ZNF280D: variants seen among roughly 807,000 people sequenced by gnomAD.
The protein encoded by ZNF280D is suppressor of hairy wing homolog 4.
ZNF280D carries 39 observed loss-of-function variants against 94.7 expected under a neutral mutation model. That is an observed-to-expected ratio of 0.41 (90% CI 0.32 to 0.54). The LOEUF (loss-of-function observed/expected upper bound fraction) is 0.54. Ranked by LOEUF, ZNF280D falls within the 20% of genes least tolerant of loss-of-function variation. ZNF280D has a pLI of 0.22. For synonymous variants in ZNF280D, 398 were observed against 377.6 expected, an observed-to-expected ratio of 1.05 and a Z score of -0.63; for missense variants, 1,090 against 1,149.3, an observed-to-expected ratio of 0.95 and a Z score of 0.75.
chr15:56,656,716 T>A (rs2053573695), intron 17 of ZNF280D, among the ~76,000 whole-genome samples: 2 of 152,180 alleles, frequency 1.3e-5, no homozygotes, highest in Admixed American at 6.5e-5. Context: ...ATTTACTGAG[T>A]GCCTACTATG....
intron 1 of ZNF280D, chr15:56,729,860 G>C (rs1196538908): frequency 6.6e-6 from 1 of 152,182 alleles, no homozygotes; most frequent in Non-Finnish European, 1.5e-5. Context: ...GTTACAATGA[G>C]AATGTTTATG....
intron 1 of ZNF280D, among the ~76,000 whole-genome samples, chr15:56,716,483 G>A (rs1340436491): frequency 6.8e-6 from 1 of 147,534 alleles, no homozygotes; most frequent in African/African-American, 2.5e-5. Context: ...AATATGAAAA[G>A]CTGCAAAGAA....
At chr15:56,710,078 A>G (rs1263874520) in intron 1 of ZNF280D, among the ~76,000 whole-genome samples, 1 of 152,244 alleles carries the variant, frequency 6.6e-6, no homozygotes, top group African/African-American at 2.4e-5. Flanking sequence ...TGGAGACATC[A>G]AAGGCCTCAG....
At chr15:56,700,232 G>C (rs2056983076) in intron 6 of ZNF280D, 1 of 930,196 alleles carries the variant, frequency 1.1e-6, no homozygotes, top group Non-Finnish European at 1.3e-6. Context: ...TATAAACTAT[G>C]GGTTAGGCTG....
At chr15:56,661,168 G>A (rs2053920106) in intron 16 of ZNF280D, among the ~76,000 whole-genome samples, 1 of 152,170 alleles carries the variant, frequency 6.6e-6, no homozygotes, top group African/African-American at 2.4e-5. Flanking sequence ...GGAGTTCACT[G>A]CAGTTAGAAG....
intron 19 of ZNF280D, chr15:56,645,075 C>T (rs1263491310): frequency 6.6e-6 from 1 of 152,068 alleles, no homozygotes; most frequent in Admixed American, 6.6e-5. Flanking sequence ...CAAAAGTATA[C>T]TTTAAGATTA....
rs573463989 is a variant in ZNF280D at position 56,640,497 on chromosome 15, A to T, written c.2259+2455T>A. Among the ~76,000 whole-genome samples the T allele has an allele frequency of 1.5e-4, 23 of 152,202 alleles. No individual in the cohort carries two copies. The South Asian group carries it at 4.6e-3, about 30-fold the overall frequency. On this transcript the variant is annotated intron_variant, in intron 20 of 21. Transcript: ENST00000267807. Reference sequence around the variant, plus strand: ...ATATTGAAAAATTTAAAAGTAGGAGAATTAAACTCACATTAGCTTAAACTT... The same window carrying T: ...ATATTGAAAAATTTAAAAGTAGGAGTATTAAACTCACATTAGCTTAAACTT...
chr15:56,635,955 A>G (rs2052331733), intron 20 of ZNF280D, among the ~76,000 whole-genome samples: 1 of 152,174 alleles, frequency 6.6e-6, no homozygotes, highest in South Asian at 2.1e-4. Context: ...ATGAGAAATA[A>G]GACTTGAGTG....
At chr15:56,703,696 A>T (rs2057228627) in intron 4 of ZNF280D, among the ~76,000 whole-genome samples, 1 of 151,916 alleles carries the variant, frequency 6.6e-6, no homozygotes, top group Admixed American at 6.6e-5. Flanking sequence ...TCTACAAAAA[A>T]TACAAAAATT....
At chr15:56,720,615 T>C (rs1384958817) in intron 1 of ZNF280D, among the ~76,000 whole-genome samples, 7 of 152,132 alleles carry the variant, frequency 4.6e-5, no homozygotes, top group African/African-American at 1.7e-4. Context: ...TCTACAGCAG[T>C]TACACCCTTA....
At chr15:56,658,402 TA>T in intron 17 of ZNF280D, 21 bp downstream of exon 17, 4 of 1,561,504 alleles carry the variant, frequency 2.6e-6, no homozygotes, top group East Asian at 2.3e-5. Context: ...ATAGAAAGAG[TA>T]AAAAAAGATC....
At chr15:56,701,635 G>A (rs2057078354) in intron 4 of ZNF280D, among the ~76,000 whole-genome samples, 1 of 151,972 alleles carries the variant, frequency 6.6e-6, no homozygotes, top group South Asian at 2.1e-4. Context: ...TGATGACAGG[G>A]CTGTTACATA....
At chr15:56,655,089 C>T (rs2053460419) in intron 17 of ZNF280D, among the ~76,000 whole-genome samples, 1 of 152,172 alleles carries the variant, frequency 6.6e-6, no homozygotes. Context: ...CAAGAGTTTT[C>T]CCATTTATTA....
At chr15:56,669,150 G>A (rs2054503712) in intron 13 of ZNF280D, among the ~76,000 whole-genome samples, 193 bp from the exon 14 acceptor site, 1 of 151,914 alleles carries the variant, frequency 6.6e-6, no homozygotes, top group Admixed American at 6.6e-5. Context: ...TTTCAAAAGT[G>A]TTCGCTACTA....
intron 19 of ZNF280D, among the ~76,000 whole-genome samples, chr15:56,646,527 A>C (rs1322386626): frequency 6.6e-6 from 1 of 152,226 alleles, no homozygotes; most frequent in Non-Finnish European, 1.5e-5. Flanking sequence ...TCATCAGACT[A>C]AGACATAACA....
chr15:56,653,688 A>C, intron 19 of ZNF280D: 7 of 1,340,910 alleles, frequency 5.2e-6, no homozygotes, highest in Non-Finnish European at 5.7e-6. Context: ...ATAAGAAATT[A>C]AGAAAGCAGA....
intron 10 of ZNF280D, among the ~76,000 whole-genome samples, chr15:56,681,616 T>C (rs1411723753): frequency 6.6e-6 from 1 of 151,806 alleles, no homozygotes; most frequent in Admixed American, 6.7e-5. Context: ...TACTTTTCTC[T>C]TGTTACTAAT....
In ZNF280D at chr15:56,635,260, T is replaced by A. The variant is rs1433095489; in HGVS notation, c.2260-10A>T. ...TAGGTCTTGCAATTTCCTGAAATAA[T>A]TAATAATACTTTTCTTTTACATTCA... On this transcript the variant is annotated splice_polypyrimidine_tract_variant and intron_variant, in intron 20 of 21. Transcript: ENST00000267807. The A allele has an allele frequency of 6.8e-6, 10 of 1,464,662 alleles. No homozygotes were observed. The highest frequency in any genetic ancestry group is 9.1e-6 in the Non-Finnish European group (10 of 1,093,352). 90.7% of individuals were successfully genotyped at this position (1,464,662 alleles called of 1,614,324 possible). A position where few individuals can be genotyped will look rare whatever the true frequency, so the allele number is the denominator to read the frequency against.
intron 10 of ZNF280D, among the ~76,000 whole-genome samples, chr15:56,679,053 A>C (rs917998408): frequency 6.6e-6 from 1 of 152,320 alleles, no homozygotes; most frequent in South Asian, 2.1e-4. Context: ...AATTAATCTG[A>C]AAGATCAACA....
Sources: allele counts gnomAD v4.1 joint callset (sites outside exome capture counted in the v4.1 genomes callset), GRCh38; gene constraint gnomAD v4.1.1; transcripts MANE v1.5; gene names NCBI Gene and HGNC (gene_info 2026-07-23, HGNC 2026-07-21).